Variants in TNXB observed in about 807,000 individuals in gnomAD.
TNXB encodes the protein tenascin-X.
TNXB carries 183 observed loss-of-function variants against 340.5 expected under a neutral mutation model. The observed-to-expected ratio is 0.54, with a 90% CI of 0.48 to 0.61. The LOEUF is 0.61. Ranked by LOEUF, TNXB falls within the 20% of genes least tolerant of loss-of-function variation. TNXB has a pLI of 0.00. For missense variants in TNXB, 4,613 were observed against 5,446.4 expected (o/e 0.85, Z 4.82); for synonymous variants, 2,121 against 2,314.5 (o/e 0.92, Z 2.40).
chr6:32,048,018 AAAGAC>A lies in TNXB; in HGVS notation c.10046-11_10046-7del, dbSNP rs1554311779. The A allele has an allele frequency of 6.2e-7, 1 of 1,602,850 alleles. No homozygotes were observed. The highest frequency in any genetic ancestry group is 8.5e-7 in the Non-Finnish European group (1 of 1,174,230). ...AGACGGTTTGGTGTCTGGGGCTGGA[AAAGAC>A]AGTGAGGTGCATGGAGAGTGGGATG... On this transcript the variant is annotated splice_region_variant and splice_polypyrimidine_tract_variant and intron_variant, in intron 29 of 43. Coordinates refer to ENST00000644971, the MANE Select transcript of TNXB (RefSeq NM_001365276.2).
At chr6:32,056,208 G>A (rs757809180) in intron 23 of TNXB, 34 bp from the exon 24 acceptor site, 1 of 1,594,042 alleles carries the variant, frequency 6.3e-7, no homozygotes, top group Non-Finnish European at 8.6e-7. Flanking sequence ...GATGCCAGGT[G>A]CCTGGGGGAT....
intron 1 of TNXB, among the ~76,000 whole-genome samples, chr6:32,099,959 A>AG (rs1411649755): frequency 6.6e-6 from 1 of 151,370 alleles, no homozygotes; most frequent in East Asian, 1.9e-4. Context: ...AAAAAAAAAA[A>AG]AAAAAAAAAA....
Position 32,043,001 on chromosome 6 carries a change from G to A in TNXB, c.11875C>T (p.Arg3959Trp), listed in dbSNP as rs1293964176. Reference sequence around the variant, plus strand: ...AAGCTGAGCAGGTAGCCTGCGGGCCGGACTGGGGGCTCAGTCCAAGTGAGC... The same window carrying A: ...AAGCTGAGCAGGTAGCCTGCGGGCCAGACTGGGGGCTCAGTCCAAGTGAGC... ...ALLTWTEPPV[R>W]PAGYLLSFHT... The change falls in exon 38 of 44, where the codon CGG becomes TGG. Residue 3959 changes from arginine to tryptophan, a missense_variant. This residue lies in a region of TNXB where 114 missense variants were observed against 104.5 expected (regional missense o/e 1.09). Coordinates refer to ENST00000644971, the MANE Select transcript of TNXB (RefSeq NM_001365276.2). 2.2e-5 allele frequency: 6 copies of A among 273,210 alleles called. No homozygotes were observed. Among genetic ancestry groups the A allele is most frequent in the East Asian group, 1.3e-4 (2 of 15,042 alleles). The allele number at this position is 273,210 out of a possible 1,614,324, so 16.9% of individuals were successfully genotyped here. A position where few individuals can be genotyped will look rare whatever the true frequency, so the allele number is the denominator to read the frequency against.
Position 32,056,743 on chromosome 6 carries a change from G to T in TNXB, c.7986C>A (p.Tyr2662Ter). Residue 2662 changes from tyrosine to a stop codon, truncating the protein, a stop_gained, in exon 23 of 44, where the codon TAC (tyrosine) becomes TAA (stop). Coordinates refer to ENST00000644971, the MANE Select transcript of TNXB (RefSeq NM_001365276.2). LOFTEE classifies it high-confidence loss of function. Reference protein sequence around the residue: ...EGQFDHFLVQYRNGDGQPKAV... With the variant: ...EGQFDHFLVQ The stretch of plus-strand genomic sequence containing the variant: ...CCTTGGGCTGCCCATCCCCATTCCT[G>T]TACTGGACCAGGAAGTGGTCAAACT... 6.2e-7 allele frequency: 1 copy of T among 1,613,286 alleles called. No individual in the cohort carries two copies. Among genetic ancestry groups the T allele is most frequent in the Non-Finnish European group, 8.5e-7 (1 of 1,179,854 alleles).
intron 21 of TNXB, among the ~76,000 whole-genome samples, chr6:32,060,379 AGAG>A: frequency 6.8e-6 from 1 of 146,392 alleles, no homozygotes; most frequent in East Asian, 2.1e-4. Context: ...CAAGAGCGAT[AGAG>A]GAGTAGGACA....
In TNXB at chr6:32,052,785, G is replaced by A. The variant is rs375459891; in HGVS notation, c.9000C>T (p.Gly3000=). ...CCCCCACGGTGACCTCGCTCTCCTCGCCCCTGACACGCACCACCTGGGGCC... is the reference window on the plus strand; with the variant it reads ...CCCCCACGGTGACCTCGCTCTCCTCACCCCTGACACGCACCACCTGGGGCC... ...DGRPQVVRVR[G]EESEVTVGGL... Residue 3000 remains glycine, a synonymous_variant, in exon 26 of 44, where the codon GGC becomes GGT. Transcript: ENST00000644971. The surrounding 1 kb of genome is among the most constrained non-coding windows in gnomAD (Gnocchi z 4.7). 42 of 1,613,728 alleles carry A rather than the reference G, an allele frequency of 2.6e-5. 1 individual carries two copies. The East Asian group carries it at 7.8e-4, about 30-fold the overall frequency.
At position 32,097,919 on chromosome 6, in the gene TNXB, G is replaced by A. The variant is rs767342071; in HGVS notation, c.280C>T (p.Pro94Ser). The change falls in exon 2 of 44, where the codon CCA becomes TCA. Residue 94 changes from proline to serine, a missense_variant. Pro to Ser is a moderately conservative substitution (Grantham distance 74, BLOSUM62 -1). This residue lies in a region of TNXB where 4,327 missense variants were observed against 4,859.4 expected (regional missense o/e 0.89). Coordinates refer to ENST00000644971, the MANE Select transcript of TNXB (RefSeq NM_001365276.2). This position sits in a 1 kb window ranked among gnomAD's most constrained non-coding sequence, Gnocchi z 5.9. ...GCCTGTACCTCTGAAGCAAGGACTG[G>A]GGGCTCGGTGCCTGGGGGACAGCCA... ...GCGCPPGTEP[P>S]VLASEVQALR... 1 of 1,590,220 alleles carries A rather than the reference G, an allele frequency of 6.3e-7. No homozygotes were observed. Among genetic ancestry groups the A allele is most frequent in the Admixed American group, 1.7e-5 (1 of 59,654 alleles).
At position 32,061,979 on chromosome 6, in the gene TNXB, C is replaced by A. The variant is rs1778045454; in HGVS notation, c.7168+178G>T. On this transcript the variant is annotated intron_variant, in intron 20 of 43. Coordinates refer to ENST00000644971, the MANE Select transcript of TNXB (RefSeq NM_001365276.2). This position sits in a 1 kb window ranked among gnomAD's most constrained non-coding sequence, Gnocchi z 4.4. ...CAGCAAAACTCCCAATGGCCCCTCC[C>A]TGCTCAGGGGGAGCCAGGGGTCAAC... 6.6e-6 allele frequency among the ~76,000 whole-genome samples: 1 copy of A among 152,208 alleles called. No individual in the cohort carries two copies. The highest frequency in any genetic ancestry group is 6.5e-5 in the Admixed American group (1 of 15,290).
chr6:32,078,738 T>TTTGCC (rs1250075142), intron 11 of TNXB: 7 of 409,922 alleles, frequency 1.7e-5, no homozygotes. Context: ...CATATTTACT[T>TTTGCC]TTGCCAGGCC....
At chr6:32,053,020 G>A (rs749012739) in intron 25 of TNXB, 27 bp from the exon 26 acceptor site, 57 of 1,598,174 alleles carry the variant, frequency 3.6e-5, no homozygotes, top group Middle Eastern at 1.7e-4. Context: ...GAGAAGGTGA[G>A]GCAGCTTCCC....
At position 32,108,176 on chromosome 6, in the gene TNXB, G is replaced by C. The variant is rs1234875919; in HGVS notation, c.-9+1005C>G. Among the ~76,000 whole-genome samples the C allele has an allele frequency of 6.6e-6, 1 of 152,056 alleles. No homozygotes were observed. Among genetic ancestry groups the C allele is most frequent in the Non-Finnish European group, 1.5e-5 (1 of 68,002 alleles). ...CTTGAAGGCAGGGTCAGGGAAAAGA[G>C]GAGGGGCTGGAGATGCGGGAAGCAG... On this transcript the variant is annotated intron_variant, in intron 1 of 43. Transcript: ENST00000644971. The surrounding 1 kb of genome is among the most constrained non-coding windows in gnomAD (Gnocchi z 4.8).
At position 32,058,200 on chromosome 6, in the gene TNXB, C is replaced by T. The variant is rs952829222; in HGVS notation, c.7683G>A (p.Gly2561=). The change falls in exon 22 of 44, where the codon GGG becomes GGA. Residue 2561 remains glycine, a synonymous_variant. Transcript: ENST00000644971. This position sits in a 1 kb window ranked among gnomAD's most constrained non-coding sequence, Gnocchi z 5.1. ...CCCCAACACGCACCGCCTGGGGCCG[C>T]CCGTCCCTGTCCTTGTACTGCACGG... ...SFTVQYKDRD[G]RPQAVRVGGQ... The T allele has an allele frequency of 1.2e-6, 2 of 1,612,396 alleles. No homozygotes were observed.
intron 35 of TNXB, 67 bp downstream of exon 35, chr6:32,043,682 C>G (rs1418049844): frequency 6.2e-7 from 1 of 1,611,710 alleles, no homozygotes; most frequent in Non-Finnish European, 8.5e-7. Flanking sequence ...TCCTCGTTCT[C>G]TCTCAACTCC....
In TNXB at chr6:32,090,123, T is replaced by C. The variant is rs1780011329; in HGVS notation, c.2359-744A>G. 6.6e-6 allele frequency among the ~76,000 whole-genome samples: 1 copy of C among 152,190 alleles called. No individual in the cohort carries two copies. ...ACCTGCTCAAAGTTCCACAAATATG[T>C]TTCCTGATTGTTGATTTTGTACCTG... On this transcript the variant is annotated intron_variant, in intron 4 of 43. Coordinates refer to ENST00000644971, the MANE Select transcript of TNXB (RefSeq NM_001365276.2). This position sits in a 1 kb window ranked among gnomAD's most constrained non-coding sequence, Gnocchi z 4.3.
chr6:32,043,961 G>A, intron 34 of TNXB, 46 bp downstream of exon 34: 2 of 1,609,056 alleles, frequency 1.2e-6, no homozygotes, highest in South Asian at 1.1e-5. Flanking sequence ...CAGAGTGCAG[G>A]GGGGAGAGGA....
At chr6:32,102,851 C>T (rs890554928) in intron 1 of TNXB, among the ~76,000 whole-genome samples, 49 of 152,192 alleles carry the variant, frequency 3.2e-4, no homozygotes, top group African/African-American at 9.4e-4. Context: ...ATCCCAGAGG[C>T]GGAGGTTGCA....
In TNXB at chr6:32,082,293, G is replaced by A; in HGVS notation, c.3479C>T (p.Pro1160Leu). Residue 1160 changes from proline to leucine, a missense_variant, in exon 9 of 44, where the codon CCC becomes CTC. Around this residue, in one of 7 missense-constraint regions of TNXB, gnomAD observed 4,327 missense variants for 4,859.4 expected, o/e 0.89. Transcript: ENST00000644971. The surrounding 1 kb of genome is among the most constrained non-coding windows in gnomAD (Gnocchi z 5.0). The stretch of plus-strand genomic sequence containing the variant: ...TGTCACCCACAGGTTTCCCAGGTGG[G>A]GTGGAGTCCCTGGACTTGGGTCACT... Reference protein sequence around the residue: ...PQSDPSPGTPPHLGNLWVTDP... With the variant: ...PQSDPSPGTPLHLGNLWVTDP... The A allele has an allele frequency of 6.2e-7, 1 of 1,600,644 alleles. No individual in the cohort carries two copies. The highest frequency in any genetic ancestry group is 8.5e-7 in the Non-Finnish European group (1 of 1,172,352).
rs539201521 is a variant in TNXB, at chr6:32,069,372, G to A, written c.5587+181C>T. 1.1e-3 allele frequency among the ~76,000 whole-genome samples: 162 copies of A among 152,348 alleles called. No homozygotes were observed. Among genetic ancestry groups the A allele is most frequent in the African/African-American group, 3.8e-3 (160 of 41,580 alleles). ...TCAAAATGCTGTCTCCAGGATGATCGAAAGCAGACAGTGGTTGCTGGAGGC... is the reference window on the plus strand; with the variant it reads ...TCAAAATGCTGTCTCCAGGATGATCAAAAGCAGACAGTGGTTGCTGGAGGC... On this transcript the variant is annotated intron_variant, in intron 15 of 43. Transcript: ENST00000644971. This position sits in a 1 kb window ranked among gnomAD's most constrained non-coding sequence, Gnocchi z 6.2.
intron 22 of TNXB, 87 bp downstream of exon 22, chr6:32,057,970 CA>C: frequency 7.0e-7 from 1 of 1,432,146 alleles, no homozygotes; most frequent in Non-Finnish European, 9.3e-7. Context: ...TGAGCCCCAT[CA>C]AGACAGAAAT....
Sources: allele counts gnomAD v4.1 joint callset (sites outside exome capture counted in the v4.1 genomes callset), GRCh38; gene constraint gnomAD v4.1.1; regional missense constraint gnomAD v4.1.1; non-coding constraint Gnocchi (gnomAD v3.1); transcripts MANE v1.5; gene names NCBI Gene and HGNC (gene_info 2026-07-23, HGNC 2026-07-21).